Variants in DPY19L1 observed in about 807,000 individuals in gnomAD.
The protein encoded by DPY19L1 is dpy-19 like C-mannosyltransferase 1.
In DPY19L1, 35 loss-of-function variants were observed where a neutral mutation model predicts 96.9. That is an observed-to-expected ratio of 0.36 (90% confidence interval 0.28 to 0.48). DPY19L1 has a LOEUF of 0.48. Ranked by LOEUF, DPY19L1 falls within the 20% of genes least tolerant of loss-of-function variation. The pLI is 0.99. For synonymous variants in DPY19L1, 205 were observed against 252.6 expected, an observed-to-expected ratio of 0.81 and a Z score of 1.79; for missense variants, 521 against 777.9, an observed-to-expected ratio of 0.67 and a Z score of 3.93.
intron 10 of DPY19L1, among the ~76,000 whole-genome samples, chr7:34,962,357 T>C (rs1184398974): frequency 1.3e-5 from 2 of 152,196 alleles, no homozygotes; most frequent in African/African-American, 4.8e-5. Context: ...AAAGGCTACA[T>C]ACTGTATGGT....
At chr7:34,972,866 A>T (rs1267287605) in intron 8 of DPY19L1, among the ~76,000 whole-genome samples, 1 of 152,224 alleles carries the variant, frequency 6.6e-6, no homozygotes, top group Non-Finnish European at 1.5e-5. Flanking sequence ...TACATAGGAG[A>T]CTAAAAGCCA....
intron 6 of DPY19L1, among the ~76,000 whole-genome samples, chr7:35,006,017 C>T (rs972503694): frequency 6.6e-5 from 10 of 152,076 alleles, no homozygotes; most frequent in African/African-American, 2.4e-4. Context: ...TCTCTGATTC[C>T]ACCAGGCCTC....
chr7:34,977,031 C>T (rs183998247), intron 7 of DPY19L1, among the ~76,000 whole-genome samples: 1,836 of 152,152 alleles, frequency 0.012, 10 homozygotes, highest in Middle Eastern at 0.02. Context: ...TCAGGTGATC[C>T]GCCTGCCTCA....
At chr7:35,037,812 C>G (rs1786483377), upstream of DPY19L1, 2 of 1,225,530 alleles carry the variant, frequency 1.6e-6, no homozygotes, top group Non-Finnish European at 2.0e-6. Context: ...GCCCGGCTAC[C>G]CACACCTCTT....
In DPY19L1 at chr7:34,937,161, T is replaced by A. The variant is rs1381019696; in HGVS notation, c.2090+833A>T. Among the ~76,000 whole-genome samples, 10 of 152,332 alleles carry A rather than the reference T, an allele frequency of 6.6e-5. No individual in the cohort carries two copies. The East Asian group carries it at 1.9e-3, about 29-fold the overall frequency. ...TCTGCTTTGAAGATCTTACTGTCACTTGGAGCTATACTCAGCTTAGTAAAC... is the reference window on the plus strand; with the variant it reads ...TCTGCTTTGAAGATCTTACTGTCACATGGAGCTATACTCAGCTTAGTAAAC... On this transcript the variant is annotated intron_variant, in intron 21 of 21. Transcript: ENST00000638088.
At chr7:34,972,295 G>T (rs1054697946) in intron 8 of DPY19L1, among the ~76,000 whole-genome samples, 6 of 152,212 alleles carry the variant, frequency 3.9e-5, no homozygotes, top group Non-Finnish European at 8.8e-5. Context: ...ATCCCAGTTT[G>T]TGGTGATGGG....
At chr7:35,031,999 T>C (rs1184188133) in intron 1 of DPY19L1, among the ~76,000 whole-genome samples, 5 of 152,206 alleles carry the variant, frequency 3.3e-5, no homozygotes, top group Non-Finnish European at 7.3e-5. Flanking sequence ...CACACCAAGA[T>C]GGCCTGTGTC....
chr7:34,967,550 A>G (rs1784637199), intron 9 of DPY19L1, among the ~76,000 whole-genome samples: 1 of 152,234 alleles, frequency 6.6e-6, no homozygotes, highest in Non-Finnish European at 1.5e-5. Flanking sequence ...CATTTGGAAG[A>G]AAATTGTATG....
At chr7:34,939,822 T>C (rs1783957750) in intron 19 of DPY19L1, among the ~76,000 whole-genome samples, 1 of 152,190 alleles carries the variant, frequency 6.6e-6, no homozygotes, top group South Asian at 2.1e-4. Flanking sequence ...AGAAGGAATG[T>C]GAAGGACTAA....
At chr7:34,954,321 A>G (rs1034339426) in intron 13 of DPY19L1, among the ~76,000 whole-genome samples, 1 of 152,120 alleles carries the variant, frequency 6.6e-6, no homozygotes, top group Non-Finnish European at 1.5e-5. Context: ...TGAAAACTGG[A>G]GAGAAAAAAG....
chr7:35,010,386 T>C (rs1329336737), intron 6 of DPY19L1, 82 bp downstream of exon 6: 2 of 796,520 alleles, frequency 2.5e-6, no homozygotes, highest in Admixed American at 5.7e-5. Context: ...AACTGAACTA[T>C]AAATTAATCA....
chr7:34,967,197 T>C (rs1039450259), intron 9 of DPY19L1, among the ~76,000 whole-genome samples: 7 of 152,198 alleles, frequency 4.6e-5, no homozygotes, highest in Non-Finnish European at 7.4e-5. Flanking sequence ...ATGTGAATTG[T>C]CTACTTTGTC....
intron 1 of DPY19L1, among the ~76,000 whole-genome samples, chr7:35,035,700 G>C (rs1274500140): frequency 6.6e-6 from 1 of 152,140 alleles, no homozygotes; most frequent in Non-Finnish European, 1.5e-5. Context: ...AACAGATCCT[G>C]TGGATCCCTG....
At chr7:35,023,529 C>T (rs565741977) in intron 1 of DPY19L1, among the ~76,000 whole-genome samples, 25 of 152,362 alleles carry the variant, frequency 1.6e-4, no homozygotes, top group African/African-American at 5.3e-4. Flanking sequence ...TCCTCTTACA[C>T]ATGCACTTCA....
At chr7:35,027,668 T>TAAAAAAAAAAAAAAAAAAAAAAAAAAAA (rs57262214) in intron 1 of DPY19L1, among the ~76,000 whole-genome samples, 15 of 71,376 alleles carry the variant, frequency 2.1e-4, no homozygotes, top group African/African-American at 4.4e-4. Context: ...CCGTCTCTAC[T>TAAAAAAAAAAAAAAAAAAAAAAAAAAAA]AAAAAAAAAA....
At chr7:34,951,380 C>A (rs1354036268) in intron 13 of DPY19L1, among the ~76,000 whole-genome samples, 3 of 151,930 alleles carry the variant, frequency 2.0e-5, no homozygotes, top group East Asian at 3.9e-4. Flanking sequence ...TATTCACATA[C>A]CATGTAACAA....
intron 1 of DPY19L1, among the ~76,000 whole-genome samples, chr7:35,028,444 A>G (rs1351360847): frequency 6.6e-6 from 1 of 152,264 alleles, no homozygotes; most frequent in Non-Finnish European, 1.5e-5. Context: ...TATTTTAAAT[A>G]TGTATATATG....
chr7:34,940,513 AT>A (rs1783983127), intron 18 of DPY19L1, among the ~76,000 whole-genome samples, 186 bp from the exon 19 acceptor site: 1 of 152,170 alleles, frequency 6.6e-6, no homozygotes, highest in Non-Finnish European at 1.5e-5. Context: ...TCAGCCTCAT[AT>A]AAGTGGAACA....
chr7:35,011,269 T>C, intron 5 of DPY19L1, 61 bp downstream of exon 5: 1 of 1,565,926 alleles, frequency 6.4e-7, no homozygotes. Flanking sequence ...AAGTTTATTA[T>C]GCTAGATAAG....
Sources: allele counts gnomAD v4.1 joint callset (sites outside exome capture counted in the v4.1 genomes callset), GRCh38; gene constraint gnomAD v4.1.1; transcripts MANE v1.5; gene names NCBI Gene and HGNC (gene_info 2026-07-23, HGNC 2026-07-21).